Variants in TAOK3 observed in about 807,000 individuals in gnomAD.
TAOK3 encodes the protein TAO kinase 3, also known as serine/threonine-protein kinase TAO3.
Under a neutral mutation model 120.4 loss-of-function variants are expected in TAOK3, and 40 were observed. That is an observed-to-expected ratio of 0.33 (90% confidence interval 0.26 to 0.43). TAOK3 has a LOEUF of 0.43. TAOK3 is among the 20% of genes least tolerant of loss of function. The probability of loss-of-function intolerance (pLI) is 1.00; values close to 1 mark genes in which losing one functional copy is unlikely to be tolerated. For missense variants in TAOK3, 821 were observed against 1,112.1 expected, an observed-to-expected ratio of 0.74 and a Z score of 3.72; for synonymous variants, 355 against 387.5, an observed-to-expected ratio of 0.92 and a Z score of 0.99.
chr12:118,348,845 CT>C (rs756607862), intron 1 of TAOK3, among the ~76,000 whole-genome samples: 1,531 of 127,780 alleles, frequency 0.012, 20 homozygotes, highest in African/African-American at 0.038. Context: ...AAAATAATTT[CT>C]TTTTTTTTTT....
intron 1 of TAOK3, among the ~76,000 whole-genome samples, chr12:118,280,048 A>G (rs1274568896): frequency 3.4e-5 from 5 of 146,522 alleles, no homozygotes; most frequent in African/African-American, 1.3e-4. Flanking sequence ...TACAGGCGTG[A>G]GCCACCGCGC....
chr12:118,252,511 C>A (rs1566017099), intron 3 of TAOK3, among the ~76,000 whole-genome samples: 1 of 152,000 alleles, frequency 6.6e-6, no homozygotes, highest in African/African-American at 2.4e-5. Flanking sequence ...GGTGTTTTTA[C>A]ACAGAGATTT....
At chr12:118,345,830 T>C (rs1171230036) in intron 1 of TAOK3, among the ~76,000 whole-genome samples, 1 of 152,100 alleles carries the variant, frequency 6.6e-6, no homozygotes, top group African/African-American at 2.4e-5. Flanking sequence ...TAGAACACTT[T>C]GTAAGAATAA....
At position 118,212,978 on chromosome 12, in the gene TAOK3, C is replaced by T; in HGVS notation, c.755G>A (p.Arg252Lys). 2 of 1,612,424 alleles carry T rather than the reference C, an allele frequency of 1.2e-6. No homozygotes were observed. Among genetic ancestry groups the T allele is most frequent in the South Asian group, 2.2e-5 (2 of 90,916 alleles). Residue 252 changes from arginine to lysine, a missense_variant, in exon 11 of 21, where the codon AGA becomes AAA. By Grantham distance (26) the Arg-to-Lys change is conservative. Around this residue, in one of 2 missense-constraint regions of TAOK3, gnomAD observed 467 missense variants for 540.0 expected, o/e 0.86. Transcript: ENST00000392533. The stretch of plus-strand genomic sequence containing the variant: ...TTTCTGCAAGCAGTAATCAACAAAT[C>T]TCCTAAAGGAGTCTGTCCTGTGTGT... ...QSNEWTDSFR[R>K]FVDYCLQKIP...
At chr12:118,157,229 C>T (rs2034897259) in intron 19 of TAOK3, among the ~76,000 whole-genome samples, 1 of 152,142 alleles carries the variant, frequency 6.6e-6, no homozygotes, top group African/African-American at 2.4e-5. Flanking sequence ...AGTCACTTCA[C>T]AAATCATCTC....
intron 1 of TAOK3, among the ~76,000 whole-genome samples, chr12:118,285,619 C>T (rs1011374616): frequency 6.6e-6 from 1 of 152,190 alleles, no homozygotes; most frequent in Non-Finnish European, 1.5e-5. Context: ...TCCCAAAGTG[C>T]TGGGATTACA....
chr12:118,151,476 T>G (rs751180350), intron 20 of TAOK3, among the ~76,000 whole-genome samples: 2 of 152,138 alleles, frequency 1.3e-5, no homozygotes, highest in Non-Finnish European at 2.9e-5. Flanking sequence ...CGGATCTAGG[T>G]CAGTGTCCTG....
chr12:118,368,527 C>G (rs1398984994), intron 1 of TAOK3, among the ~76,000 whole-genome samples: 1 of 138,012 alleles, frequency 7.2e-6, no homozygotes. Flanking sequence ...GAAAATAGGC[C>G]GGGAGCGGTG....
At chr12:118,269,383 C>CTTTTTTT (rs1174725563) in intron 1 of TAOK3, among the ~76,000 whole-genome samples, 44 of 103,888 alleles carry the variant, frequency 4.2e-4, no homozygotes, top group Non-Finnish European at 6.0e-4. Flanking sequence ...TCTCTCTCTT[C>CTTTTTTT]TTTTTTTTTT....
intron 3 of TAOK3, 44 bp from the exon 4 acceptor site, chr12:118,245,009 T>C (rs1364333221): frequency 7.6e-7 from 1 of 1,309,366 alleles, no homozygotes; most frequent in Non-Finnish European, 1.1e-6. Flanking sequence ...ATTAGTGATG[T>C]TTCAGCCAAT....
intron 1 of TAOK3, among the ~76,000 whole-genome samples, chr12:118,319,316 G>T (rs1436858719): frequency 2.0e-5 from 3 of 152,050 alleles, no homozygotes; most frequent in Non-Finnish European, 4.4e-5. Context: ...AAATAAATTG[G>T]ACTTTACTAA....
At chr12:118,283,439 C>A (rs1448483555) in intron 1 of TAOK3, among the ~76,000 whole-genome samples, 2 of 152,102 alleles carry the variant, frequency 1.3e-5, no homozygotes, top group African/African-American at 4.8e-5. Flanking sequence ...CTGTAAAGAA[C>A]AGGCACAATT....
intron 1 of TAOK3, among the ~76,000 whole-genome samples, chr12:118,273,355 A>G (rs2041787721): frequency 6.6e-6 from 1 of 152,132 alleles, no homozygotes; most frequent in African/African-American, 2.4e-5. Context: ...ACAAAAAATT[A>G]GCCAGGTGTG....
At chr12:118,258,281 T>C (rs1327680911) in intron 2 of TAOK3, among the ~76,000 whole-genome samples, 1 of 152,152 alleles carries the variant, frequency 6.6e-6, no homozygotes, top group Non-Finnish European at 1.5e-5. Context: ...CCGCCAACAA[T>C]GCACCTATAA....
At chr12:118,253,753 A>G (rs1420106013) in intron 3 of TAOK3, among the ~76,000 whole-genome samples, 1 of 16,988 alleles carries the variant, frequency 5.9e-5, no homozygotes, top group Non-Finnish European at 1.2e-4. Context: ...CAAACAAACA[A>G]ACAAAAAAAA....
At chr12:118,225,246 CAAA>C (rs34923071) in intron 9 of TAOK3, among the ~76,000 whole-genome samples, 4 of 75,852 alleles carry the variant, frequency 5.3e-5, no homozygotes, top group African/African-American at 1.5e-4. Flanking sequence ...GAGACTGTCT[CAAA>C]AAAAAAAAAA....
chr12:118,294,158 TAATA>T (rs2140571076), intron 1 of TAOK3, among the ~76,000 whole-genome samples: 6 of 152,308 alleles, frequency 3.9e-5, no homozygotes, highest in African/African-American at 1.4e-4. Context: ...ATAATTTACA[TAATA>T]AACTATATCC....
At chr12:118,272,041 A>C (rs1371329733) in intron 1 of TAOK3, among the ~76,000 whole-genome samples, 3 of 152,216 alleles carry the variant, frequency 2.0e-5, no homozygotes, top group Non-Finnish European at 4.4e-5. Context: ...TGTGCAATTG[A>C]AATAATTTTC....
At chr12:118,346,278 T>A (rs1593638462) in intron 1 of TAOK3, among the ~76,000 whole-genome samples, 1 of 152,226 alleles carries the variant, frequency 6.6e-6, no homozygotes, top group Admixed American at 6.5e-5. Context: ...TCTACTCATT[T>A]ACTAATAAGT....
Sources: gnomAD v4.1 joint callset for allele counts (sites outside exome capture counted in the v4.1 genomes callset) on GRCh38, gnomAD v4.1.1 for gene constraint, gnomAD v4.1.1 regional missense constraint, MANE v1.5 for transcripts, NCBI Gene and HGNC (gene_info 2026-07-23, HGNC 2026-07-21) for gene names.